The following GRM8 variants were observed in gnomAD, a reference collection of about 807,000 sequenced individuals.
The protein encoded by GRM8 is glutamate metabotropic receptor 8, also known as metabotropic glutamate receptor 8.
A neutral mutation model predicts 87.2 loss-of-function variants in GRM8; 47 were observed. That is an observed-to-expected ratio of 0.54 (90% CI 0.43 to 0.69). GRM8 has a LOEUF of 0.69. Among genes scored for constraint, GRM8 ranks in the 30% least tolerant of loss-of-function variants. The pLI is 0.00. For missense variants in GRM8, 1,019 were observed against 1,139.2 expected (o/e 0.89, Z 1.52); for synonymous variants, 396 against 404.5 (o/e 0.98, Z 0.25).
chr7:126,898,039 T>C (rs1373171630), intron 6 of GRM8, among the ~76,000 whole-genome samples: 2 of 152,090 alleles, frequency 1.3e-5, no homozygotes, highest in Middle Eastern at 3.2e-3. Flanking sequence ...AGCAAATAAT[T>C]ACGTTCGCAG....
At chr7:127,250,279 G>A (rs1340013123) in intron 1 of GRM8, among the ~76,000 whole-genome samples, 1 of 152,188 alleles carries the variant, frequency 6.6e-6, no homozygotes, top group Non-Finnish European at 1.5e-5. Context: ...GCACTCACTG[G>A]AGCTCAGCTC....
intron 6 of GRM8, among the ~76,000 whole-genome samples, chr7:126,868,337 G>A (rs957491795): frequency 1.3e-5 from 2 of 152,234 alleles, no homozygotes; most frequent in East Asian, 1.9e-4. Context: ...TCAGGCTAAG[G>A]AGCTGTGCAG....
At chr7:126,787,069 C>G (rs1490034515) in intron 6 of GRM8, among the ~76,000 whole-genome samples, 1 of 152,184 alleles carries the variant, frequency 6.6e-6, no homozygotes, top group Non-Finnish European at 1.5e-5. Context: ...AGTTCTAGAT[C>G]ATTATCTCCT....
chr7:127,079,690 T>C (rs1332058328), intron 3 of GRM8, among the ~76,000 whole-genome samples: 1 of 152,204 alleles, frequency 6.6e-6, no homozygotes, highest in Non-Finnish European at 1.5e-5. Context: ...TCCCCTTTTT[T>C]CTTCCTCAGG....
Position 126,854,914 on chromosome 7 carries a change from C to G in GRM8, c.1156+47628G>C, listed in dbSNP as rs1202195095. 2.6e-5 allele frequency among the ~76,000 whole-genome samples: 4 copies of G among 152,126 alleles called. No homozygotes were observed. The East Asian group carries it at 7.7e-4, about 29-fold the overall frequency. On this transcript the variant is annotated intron_variant, in intron 6 of 10. Transcript: ENST00000339582. ...ACTTTCTCTTTACTGTTTTGGATGC[C>G]CTTTATTTCTTTCTCTTGTCTGATT... is the stretch of plus-strand genomic sequence containing the variant.
intron 3 of GRM8, among the ~76,000 whole-genome samples, chr7:127,036,835 A>G (rs1817896739): frequency 6.6e-6 from 1 of 152,108 alleles, no homozygotes; most frequent in African/African-American, 2.4e-5. Context: ...ATCCTACGGC[A>G]TTTTCAACTA....
At chr7:126,510,435 T>C (rs538758605) in intron 9 of GRM8, among the ~76,000 whole-genome samples, 6 of 152,164 alleles carry the variant, frequency 3.9e-5, no homozygotes, top group South Asian at 2.1e-4. Context: ...GCTAGTCCAA[T>C]ATCTCTTGGC....
intron 3 of GRM8, among the ~76,000 whole-genome samples, chr7:127,035,492 C>T (rs987356326): frequency 6.6e-6 from 1 of 152,152 alleles, no homozygotes; most frequent in Non-Finnish European, 1.5e-5. Flanking sequence ...CCACTTGGAG[C>T]GCCCAGCCAC....
chr7:126,823,978 A>C (rs537141001), intron 6 of GRM8, among the ~76,000 whole-genome samples: 1 of 152,320 alleles, frequency 6.6e-6, no homozygotes, highest in East Asian at 1.9e-4. Context: ...GTGTCAAAGC[A>C]GAGGTTCAGG....
intron 6 of GRM8, chr7:126,868,644 T>G (rs542535709): frequency 1.3e-5 from 2 of 152,358 alleles, no homozygotes; most frequent in Admixed American, 1.3e-4. Context: ...ACATGAAATT[T>G]TTGGTTTCCC....
chr7:127,216,517 C>CAAAAAAAAAAAAAAAAAAAAAAAAAAAAA (rs58730624), intron 2 of GRM8, among the ~76,000 whole-genome samples: 1 of 62,970 alleles, frequency 1.6e-5, no homozygotes, highest in South Asian at 7.0e-4. Context: ...GACTCCGTCT[C>CAAAAAAAAAAAAAAAAAAAAAAAAAAAAA]AAAAAAAAAA....
chr7:127,159,428 G>A (rs1291457309), intron 2 of GRM8, among the ~76,000 whole-genome samples: 5 of 152,152 alleles, frequency 3.3e-5, no homozygotes, highest in Admixed American at 6.5e-5. Context: ...CACTGGCAAA[G>A]CTTTTAGACA....
At chr7:126,588,527 C>T (rs928095310) in intron 8 of GRM8, among the ~76,000 whole-genome samples, 9 of 152,104 alleles carry the variant, frequency 5.9e-5, no homozygotes, top group African/African-American at 2.2e-4. Flanking sequence ...GAGCTATTCA[C>T]AAAAGCAAAG....
At chr7:126,565,263 A>T (rs1794114098) in intron 8 of GRM8, among the ~76,000 whole-genome samples, 1 of 152,208 alleles carries the variant, frequency 6.6e-6, no homozygotes, top group Admixed American at 6.5e-5. Flanking sequence ...CCCTGTTTGC[A>T]GATGACATCA....
At position 127,069,107 on chromosome 7, in the gene GRM8, C is replaced by T. The variant is rs571729621; in HGVS notation, c.727+37389G>A. ...TTCATTGGAAGACAAAGTTTCTCTC[C>T]CCTCTTTCCACAGGCAGCCAGTACA... On this transcript the variant is annotated intron_variant, in intron 3 of 10. Coordinates refer to ENST00000339582, the MANE Select transcript of GRM8 (RefSeq NM_000845.3). Among the ~76,000 whole-genome samples the T allele has an allele frequency of 2.4e-4, 37 of 152,240 alleles. No homozygotes were observed. The South Asian group carries it at 7.7e-3, about 32-fold the overall frequency.
chr7:126,937,471 C>A (rs1806456655), intron 3 of GRM8, among the ~76,000 whole-genome samples: 4 of 152,156 alleles, frequency 2.6e-5, no homozygotes, highest in Admixed American at 2.6e-4. Context: ...CCCAAACCTG[C>A]ACCAGTAGAA....
chr7:126,504,540 T>C (rs1172904019), intron 9 of GRM8, among the ~76,000 whole-genome samples: 1 of 152,048 alleles, frequency 6.6e-6, no homozygotes, highest in African/African-American at 2.4e-5. Context: ...AAAACCTATC[T>C]ACTGGGTACT....
chr7:126,957,803 G>A (rs1161796054), intron 3 of GRM8, among the ~76,000 whole-genome samples: 1 of 152,214 alleles, frequency 6.6e-6, no homozygotes, highest in East Asian at 1.9e-4. Context: ...GACAGGCTGA[G>A]AGCAGAAAGG....
chr7:127,208,315 A>G (rs1010505343), intron 2 of GRM8, among the ~76,000 whole-genome samples: 1 of 152,128 alleles, frequency 6.6e-6, no homozygotes, highest in African/African-American at 2.4e-5. Context: ...CTCCTCCTGT[A>G]ACCTATTGAA....
Sources: allele counts gnomAD v4.1 joint callset (sites outside exome capture counted in the v4.1 genomes callset), GRCh38; gene constraint gnomAD v4.1.1; transcripts MANE v1.5; gene names NCBI Gene and HGNC (gene_info 2026-07-23, HGNC 2026-07-21).